Variants in ISG20 observed in about 807,000 individuals in gnomAD.
ISG20 encodes interferon-stimulated gene 20 kDa protein.
Under a neutral mutation model 11.1 loss-of-function variants are expected in ISG20, and 8 were observed. The ratio of observed to expected loss-of-function variants is 0.72; its 90% CI spans 0.42 to 1.30. ISG20 has a LOEUF of 1.30. Ranked by LOEUF, ISG20 falls within the 50% of genes most tolerant of loss-of-function variation. The probability of loss-of-function intolerance (pLI) is 0.01; values close to 1 mark genes in which losing one functional copy is unlikely to be tolerated. For synonymous variants in ISG20, 110 were observed against 101.7 expected, an observed-to-expected ratio of 1.08 and a Z score of -0.49; for missense variants, 243 against 250.2, an observed-to-expected ratio of 0.97 and a Z score of 0.19.
chr15:88,649,795 C>T lies in ISG20; in HGVS notation c.229-2315C>T, dbSNP rs186299895. 4.4e-3 allele frequency: 779 copies of T among 175,884 alleles called. 6 individuals are homozygous for T. The highest frequency in any genetic ancestry group is 0.018 in the South Asian group (142 of 7,872). 10.9% of individuals were successfully genotyped at this position (175,884 alleles called of 1,614,324 possible). ...CTGGTGTGGTTCAGGAGCAGCGCCC[C>T]TTCATTCTCCAGCACACTCTCCCCA... On this transcript the variant is annotated intron_variant, in intron 2 of 3. Coordinates refer to ENST00000306072, the MANE Select transcript of ISG20 (RefSeq NM_002201.6).
intron 2 of ISG20, among the ~76,000 whole-genome samples, chr15:88,646,367 A>G (rs1217318642): frequency 6.6e-6 from 1 of 152,222 alleles, no homozygotes; most frequent in African/African-American, 2.4e-5. Context: ...CAAGGAAGGG[A>G]TAGAGCAGAG....
Position 88,650,478 on chromosome 15 carries a change from C to A in ISG20, c.229-1632C>A, listed in dbSNP as rs1288750539. On this transcript the variant is annotated intron_variant, in intron 2 of 3. Coordinates refer to ENST00000306072, the MANE Select transcript of ISG20 (RefSeq NM_002201.6). This position sits in a 1 kb window ranked among gnomAD's most constrained non-coding sequence, Gnocchi z 4.0. ...CTTCAAGGCCTGGCTTTGCCACTAA[C>A]TAGCCGTGTGACTGTCCCAGTTATC... 2.1e-6 allele frequency: 3 copies of A among 1,434,700 alleles called. No individual in the cohort carries two copies. Among genetic ancestry groups the A allele is most frequent in the Non-Finnish European group, 2.7e-6 (3 of 1,096,552 alleles). The allele number at this position is 1,434,700 out of a possible 1,614,324, so 88.9% of individuals were successfully genotyped here.
rs764979398 is a variant in ISG20 at position 88,643,683 on chromosome 15, C to T, written c.228+4089C>T. 6.6e-5 allele frequency among the ~76,000 whole-genome samples: 10 copies of T among 152,126 alleles called. No homozygotes were observed. The highest frequency in any genetic ancestry group is 2.1e-4 in the South Asian group (1 of 4,824). ...CGTGCCACTGCCACTCCAGCCTGGG[C>T]GACAGAGCAAGACCCCATCTCAAAA... On this transcript the variant is annotated intron_variant, in intron 2 of 3. Coordinates refer to ENST00000306072, the MANE Select transcript of ISG20 (RefSeq NM_002201.6). This position sits in a 1 kb window ranked among gnomAD's most constrained non-coding sequence, Gnocchi z 4.4.
chr15:88,655,329 A>G (rs8041687), intron 3 of ISG20, 86 bp from the exon 4 acceptor site: 87,162 of 1,234,888 alleles, frequency 0.071, 3,598 homozygotes, highest in African/African-American at 0.13. Context: ...GACTCTGGAA[A>G]TCGGGATGTG....
chr15:88,639,044 G>A lies in ISG20; in HGVS notation c.-57G>A, dbSNP rs2058032182. 2.2e-6 allele frequency: 1 copy of A among 451,668 alleles called. No individual in the cohort carries two copies. The allele number at this position is 451,668 out of a possible 1,614,324, so 28.0% of individuals were successfully genotyped here. On this transcript the variant is annotated 5_prime_UTR_variant, in exon 1 of 4. Transcript: ENST00000306072. The surrounding 1 kb of genome is among the most constrained non-coding windows in gnomAD (Gnocchi z 4.2). Reference sequence around the variant, plus strand: ...GTAGCTGAGCAGTGGCAGCAGAGAGGCAGACGTGAGCTGAGGGCGCAGAGG... The same window carrying A: ...GTAGCTGAGCAGTGGCAGCAGAGAGACAGACGTGAGCTGAGGGCGCAGAGG...
intron 3 of ISG20, among the ~76,000 whole-genome samples, chr15:88,653,887 A>T (rs2058330285): frequency 6.6e-6 from 1 of 152,176 alleles, no homozygotes; most frequent in Non-Finnish European, 1.5e-5. Context: ...CGCATGGTAG[A>T]CTGGGCTGCA....
intron 2 of ISG20, chr15:88,651,717 C>A: frequency 1.1e-6 from 1 of 928,816 alleles, no homozygotes; most frequent in South Asian, 4.1e-5. Flanking sequence ...TTCACAGATC[C>A]TGGGGACTAG....
At chr15:88,635,879 C>T (rs369170083), upstream of ISG20, among the ~76,000 whole-genome samples, 181 of 152,238 alleles carry the variant, frequency 1.2e-3, 3 homozygotes, top group South Asian at 0.034. Flanking sequence ...GTTGAAAAAT[C>T]TCTCCCAAAA....
At chr15:88,654,503 C>G (rs140916142) in intron 3 of ISG20, among the ~76,000 whole-genome samples, 1 of 152,276 alleles carries the variant, frequency 6.6e-6, no homozygotes, top group African/African-American at 2.4e-5. Context: ...AGAGGGACAC[C>G]AAGAAAACGC....
chr15:88,638,268 C>T (rs967566219), upstream of ISG20, among the ~76,000 whole-genome samples: 1 of 152,170 alleles, frequency 6.6e-6, no homozygotes, highest in Non-Finnish European at 1.5e-5. Context: ...TTTCTTTTTG[C>T]CCCAGTTGTA....
chr15:88,651,244 A>G (rs1045493210), intron 2 of ISG20: 3 of 985,292 alleles, frequency 3.0e-6, no homozygotes, highest in Non-Finnish European at 3.6e-6. Flanking sequence ...TGCATTTCAG[A>G]TATTTCCTTT....
intron 2 of ISG20, chr15:88,648,007 G>A (rs1487675984): frequency 2.6e-5 from 4 of 152,262 alleles, no homozygotes; most frequent in African/African-American, 7.2e-5. Context: ...CCCAGGGTAA[G>A]TGGCCTTGTG....
intron 2 of ISG20, chr15:88,651,368 C>T (rs560288949): frequency 2.5e-5 from 22 of 895,996 alleles, no homozygotes; most frequent in Admixed American, 6.2e-5. Flanking sequence ...TCTTACAGTT[C>T]TGTAGTTTCG....
At position 88,650,379 on chromosome 15, in the gene ISG20, G is replaced by C. The variant is rs2141402398; in HGVS notation, c.229-1731G>C. On this transcript the variant is annotated intron_variant, in intron 2 of 3. Transcript: ENST00000306072. The surrounding 1 kb of genome is among the most constrained non-coding windows in gnomAD (Gnocchi z 4.0). ...TCACAGCTGGGCGCCTGGGCTGCTG[G>C]AGGCCTGGAGTGGTCGTTCACTCTT... is the stretch of plus-strand genomic sequence containing the variant. The C allele has an allele frequency of 1.3e-6, 2 of 1,530,550 alleles. No individual in the cohort carries two copies. The highest frequency in any genetic ancestry group is 4.9e-5 in the East Asian group (2 of 40,776). 94.8% of individuals were successfully genotyped at this position (1,530,550 alleles called of 1,614,324 possible).
At chr15:88,645,060 G>A (rs556801564) in intron 2 of ISG20, among the ~76,000 whole-genome samples, 7 of 152,260 alleles carry the variant, frequency 4.6e-5, no homozygotes, top group South Asian at 2.1e-4. Flanking sequence ...CTCTTTAAGC[G>A]TGTGACACGG....
rs775583025 is a variant in ISG20, at chr15:88,639,496, C to T, written c.130C>T (p.Arg44Trp). The change falls in exon 2 of 4, where the codon CGG (arginine) becomes TGG (tryptophan). Residue 44 changes from arginine to tryptophan, a missense_variant. Physicochemically the swap from Arg to Trp is moderately radical, Grantham distance 101. Coordinates refer to ENST00000306072, the MANE Select transcript of ISG20 (RefSeq NM_002201.6). This position sits in a 1 kb window ranked among gnomAD's most constrained non-coding sequence, Gnocchi z 4.2. Reference sequence around the variant, plus strand: ...TGCTGTGCTGTACGACAAGTTCATCCGGCCTGAGGGAGAGATCACCGATTA... The same window carrying T: ...TGCTGTGCTGTACGACAAGTTCATCTGGCCTGAGGGAGAGATCACCGATTA... ...HGAVLYDKFI[R>W]PEGEITDYRT... The T allele has an allele frequency of 4.0e-5, 65 of 1,614,070 alleles. No individual in the cohort carries two copies. The Middle Eastern group carries it at 9.9e-4, about 24-fold the overall frequency.
Position 88,650,194 on chromosome 15 carries a change from G to T in ISG20, c.229-1916G>T, listed in dbSNP as rs8037370. On this transcript the variant is annotated intron_variant, in intron 2 of 3. Coordinates refer to ENST00000306072, the MANE Select transcript of ISG20 (RefSeq NM_002201.6). The surrounding 1 kb of genome is among the most constrained non-coding windows in gnomAD (Gnocchi z 4.0). Reference sequence around the variant, plus strand: ...AGTGGGCCTGGACTAGCCACGAGCCGCCCCTTTCCCTAATAGAGCTCACAT... The same window carrying T: ...AGTGGGCCTGGACTAGCCACGAGCCTCCCCTTTCCCTAATAGAGCTCACAT... The T allele has an allele frequency of 6.6e-7, 1 of 1,510,962 alleles. No individual in the cohort carries two copies. Among genetic ancestry groups the T allele is most frequent in the South Asian group, 1.2e-5 (1 of 83,490 alleles). 93.6% of individuals were successfully genotyped at this position (1,510,962 alleles called of 1,614,324 possible).
At chr15:88,654,085 TG>T (rs2058333853) in intron 3 of ISG20, among the ~76,000 whole-genome samples, 1 of 152,172 alleles carries the variant, frequency 6.6e-6, no homozygotes, top group African/African-American at 2.4e-5. Flanking sequence ...AATTGCAGCC[TG>T]GGGTTTGTCT....
rs2058050957 is a variant in ISG20 at position 88,639,813 on chromosome 15, C to G, written c.228+219C>G. On this transcript the variant is annotated intron_variant, in intron 2 of 3. Transcript: ENST00000306072. This position sits in a 1 kb window ranked among gnomAD's most constrained non-coding sequence, Gnocchi z 4.2. ...CATCTGGAAGCCGCCTTTGGGGCAT[C>G]TATCTGGATCTGGTCCAACTTGCCG... Among the ~76,000 whole-genome samples the G allele has an allele frequency of 6.6e-6, 1 of 152,204 alleles. No homozygotes were observed. Among genetic ancestry groups the G allele is most frequent in the Non-Finnish European group, 1.5e-5 (1 of 68,032 alleles).
Sources: gnomAD v4.1 joint callset for allele counts (sites outside exome capture counted in the v4.1 genomes callset) on GRCh38, gnomAD v4.1.1 for gene constraint, Gnocchi (gnomAD v3.1) non-coding constraint, MANE v1.5 for transcripts, NCBI Gene and HGNC (gene_info 2026-07-23, HGNC 2026-07-21) for gene names.